The following JARID2 variants were observed in gnomAD, a reference collection of about 807,000 sequenced individuals.
JARID2 encodes jumonji and AT-rich interaction domain containing 2.
In JARID2, 21 loss-of-function variants were observed where a neutral mutation model predicts 125.6. The observed-to-expected ratio is 0.17, with a 90% CI of 0.12 to 0.24. JARID2 has a LOEUF of 0.24. JARID2 is among the 10% of genes least tolerant of loss of function. The pLI is 1.00. For synonymous variants in JARID2, 736 were observed against 661.6 expected (o/e 1.11, Z -1.73); for missense variants, 1,303 against 1,639.6 (o/e 0.79, Z 3.55).
At chr6:15,519,046 C>G (rs1771699236) in intron 17 of JARID2, among the ~76,000 whole-genome samples, 1 of 152,182 alleles carries the variant, frequency 6.6e-6, no homozygotes. Flanking sequence ...GCTGGCTGAG[C>G]AGGGTGTTGG....
At chr6:15,308,606 C>T (rs367549641) in intron 1 of JARID2, among the ~76,000 whole-genome samples, 21 of 152,252 alleles carry the variant, frequency 1.4e-4, no homozygotes, top group African/African-American at 4.1e-4. Context: ...TTAAAAACAA[C>T]GAGATTAGGT....
intron 2 of JARID2, chr6:15,400,829 C>G: frequency 9.4e-6 from 12 of 1,270,824 alleles, no homozygotes; most frequent in Non-Finnish European, 1.2e-5. Context: ...CTGCCGCTTG[C>G]TTATTACGTA....
rs1403355760 is a variant in JARID2, at chr6:15,500,932, C to G, written c.1971C>G (p.Cys657Trp). The G allele has an allele frequency of 1.2e-6, 2 of 1,611,254 alleles. No homozygotes were observed. Among genetic ancestry groups the G allele is most frequent in the Non-Finnish European group, 8.5e-7 (1 of 1,178,198 alleles). The change falls in exon 8 of 18, where the codon TGC becomes TGG. Residue 657 changes from cysteine to tryptophan, a missense_variant. Around this residue, in one of 11 missense-constraint regions of JARID2, gnomAD observed 64 missense variants for 166.8 expected, o/e 0.38. Coordinates refer to ENST00000341776, the MANE Select transcript of JARID2 (RefSeq NM_004973.4). The part of the protein sequence containing the change: ...LIGGCELDLA[C>W]FFRLINEMGG... ...GGGGCTGTGAGCTCGACCTGGCCTG[C>G]TTTTTCCGGCTGATTAATGAGATGG...
intron 1 of JARID2, among the ~76,000 whole-genome samples, chr6:15,368,538 G>A (rs1764054502): frequency 6.6e-6 from 1 of 152,190 alleles, no homozygotes; most frequent in Non-Finnish European, 1.5e-5. Context: ...TAATTTGAAT[G>A]TATATTTAAT....
chr6:15,278,476 C>A (rs550442687), intron 1 of JARID2, among the ~76,000 whole-genome samples: 62 of 151,818 alleles, frequency 4.1e-4, no homozygotes, highest in African/African-American at 1.4e-3. Flanking sequence ...ATCCCAGCTA[C>A]TCGGGAAGCT....
chr6:15,447,247 A>T (rs971707928), intron 3 of JARID2, among the ~76,000 whole-genome samples: 2 of 152,090 alleles, frequency 1.3e-5, no homozygotes, highest in African/African-American at 4.8e-5. Flanking sequence ...GCTGGTTTAC[A>T]TTTACTTGAT....
At chr6:15,494,297 T>G (rs1254843640) in intron 6 of JARID2, among the ~76,000 whole-genome samples, 1 of 151,988 alleles carries the variant, frequency 6.6e-6, no homozygotes, top group African/African-American at 2.4e-5. Flanking sequence ...ATGCACATTC[T>G]CAGTCCCATC....
At chr6:15,402,515 A>G (rs1224907981) in intron 2 of JARID2, among the ~76,000 whole-genome samples, 2 of 152,198 alleles carry the variant, frequency 1.3e-5, no homozygotes, top group Non-Finnish European at 2.9e-5. Context: ...ATCTGAACAC[A>G]AGACTTTCCA....
chr6:15,283,033 T>C lies in JARID2; in HGVS notation c.45+36449T>C, dbSNP rs374277715. ...TCACTCTGTTGCCCAGGCTGGAGTG[T>C]AGTGGCGCGATCTTGGCTCACTGTA... On this transcript the variant is annotated intron_variant, in intron 1 of 17. Transcript: ENST00000341776. Among the ~76,000 whole-genome samples the C allele has an allele frequency of 1.6e-3, 239 of 151,902 alleles. 1 individual carries two copies. Among genetic ancestry groups the C allele is most frequent in the Middle Eastern group, 6.8e-3 (2 of 294 alleles).
Position 15,520,106 on chromosome 6 carries a change from A to C in JARID2, c.3596A>C (p.Lys1199Thr). 6.2e-7 allele frequency: 1 copy of C among 1,613,778 alleles called. No individual in the cohort carries two copies. Among genetic ancestry groups the C allele is most frequent in the South Asian group, 1.1e-5 (1 of 91,034 alleles). Reference sequence around the variant, plus strand: ...AGTCTGGTCAATCAGATCTGCGGCAAAGTGTCTGGTAAAAACGGCAGCATT... The same window carrying C: ...AGTCTGGTCAATCAGATCTGCGGCACAGTGTCTGGTAAAAACGGCAGCATT... ...IISLVNQICG[K>T]VSGKNGSIEN... The change falls in exon 18 of 18, where the codon AAA becomes ACA. Residue 1199 changes from lysine to threonine, a missense_variant. Lys to Thr is a moderately conservative substitution (Grantham distance 78). Coordinates refer to ENST00000341776, the MANE Select transcript of JARID2 (RefSeq NM_004973.4).
chr6:15,326,478 A>C (rs936476815), intron 1 of JARID2, among the ~76,000 whole-genome samples: 1 of 152,178 alleles, frequency 6.6e-6, no homozygotes, highest in Admixed American at 6.5e-5. Flanking sequence ...GGAGTGAGCC[A>C]CCACGCCTGG....
intron 1 of JARID2, among the ~76,000 whole-genome samples, chr6:15,296,742 C>T (rs1326750198): frequency 6.6e-6 from 1 of 152,198 alleles, no homozygotes; most frequent in African/African-American, 2.4e-5. Context: ...AACATGTCCC[C>T]ATCGTCCTCT....
At chr6:15,480,439 T>C (rs1403314087) in intron 5 of JARID2, among the ~76,000 whole-genome samples, 2 of 152,182 alleles carry the variant, frequency 1.3e-5, no homozygotes, top group Non-Finnish European at 2.9e-5. Flanking sequence ...CATACACATC[T>C]AATAATCTAA....
At chr6:15,284,001 C>T (rs1760895634) in intron 1 of JARID2, among the ~76,000 whole-genome samples, 1 of 152,214 alleles carries the variant, frequency 6.6e-6, no homozygotes, top group Non-Finnish European at 1.5e-5. Context: ...GCCACTGCAT[C>T]CAGCCTCCTT....
chr6:15,383,187 A>G (rs916133999), intron 2 of JARID2, among the ~76,000 whole-genome samples: 6 of 151,436 alleles, frequency 4.0e-5, no homozygotes, highest in African/African-American at 1.5e-4. Flanking sequence ...TTTTTCTTTG[A>G]AACAGGGTCT....
intron 1 of JARID2, among the ~76,000 whole-genome samples, chr6:15,250,936 T>C (rs896020916): frequency 6.8e-6 from 1 of 146,208 alleles, no homozygotes; most frequent in African/African-American, 2.6e-5. Context: ...TTTTTTTTTT[T>C]CAGAGAAGAC....
chr6:15,465,273 C>T (rs148187790), intron 4 of JARID2, among the ~76,000 whole-genome samples: 4 of 152,116 alleles, frequency 2.6e-5, no homozygotes, highest in East Asian at 3.9e-4. Flanking sequence ...GGCAATGTAG[C>T]GAGATCCCGT....
At chr6:15,293,726 G>A (rs1286555775) in intron 1 of JARID2, among the ~76,000 whole-genome samples, 1 of 152,146 alleles carries the variant, frequency 6.6e-6, no homozygotes, top group South Asian at 2.1e-4. Context: ...AGCCTGTGCC[G>A]GATTTCTCAC....
chr6:15,261,460 G>A (rs1759873955), intron 1 of JARID2, among the ~76,000 whole-genome samples: 1 of 152,016 alleles, frequency 6.6e-6, no homozygotes, highest in Non-Finnish European at 1.5e-5. Context: ...TGGGACTACA[G>A]GCGTGCGCCA....
Sources: gnomAD v4.1 joint callset for allele counts (sites outside exome capture counted in the v4.1 genomes callset) on GRCh38, gnomAD v4.1.1 for gene constraint, gnomAD v4.1.1 regional missense constraint, MANE v1.5 for transcripts, NCBI Gene and HGNC (gene_info 2026-07-23, HGNC 2026-07-21) for gene names.